The following GLUD1 variants were observed in gnomAD, a reference collection of about 807,000 sequenced individuals.
The protein encoded by GLUD1 is glutamate dehydrogenase 1.
In GLUD1, 22 loss-of-function variants were observed where a neutral mutation model predicts 56.0. The ratio of observed to expected loss-of-function variants is 0.39; its 90% CI spans 0.28 to 0.56. GLUD1 has a LOEUF of 0.56. Ranked by LOEUF, GLUD1 falls within the 20% of genes least tolerant of loss-of-function variation. The pLI is 0.58. For missense variants in GLUD1, 451 were observed against 732.0 expected (o/e 0.62, Z 4.43); for synonymous variants, 223 against 269.9 (o/e 0.83, Z 1.70).
At chr10:87,067,990 A>G in intron 5 of GLUD1, 73 bp downstream of exon 5, 4 of 866,276 alleles carry the variant, frequency 4.6e-6, no homozygotes, top group Admixed American at 1.8e-5. Context: ...TCAACTTTTG[A>G]TATAATCAGT....
Position 87,057,605 on chromosome 10 carries a change from G to A in GLUD1, c.1494+86C>T, listed in dbSNP as rs926403572. On this transcript the variant is annotated intron_variant, in intron 11 of 12. Coordinates refer to ENST00000277865, the MANE Select transcript of GLUD1 (RefSeq NM_005271.5). ...TCAAGCTAATTACAAAGACTATGCC[G>A]CAGATGAAATCCATCTAACCAGCTC... The A allele has an allele frequency of 3.5e-5, 28 of 798,218 alleles. No homozygotes were observed. In the Middle Eastern group the frequency reaches 1.3e-3, roughly 38 times the overall value. The allele number at this position is 798,218 out of a possible 1,614,324, so 49.4% of individuals were successfully genotyped here.
At chr10:87,062,535 C>T (rs1845963436) in intron 6 of GLUD1, 121 bp downstream of exon 6, 2 of 811,892 alleles carry the variant, frequency 2.5e-6, no homozygotes, top group Non-Finnish European at 4.1e-6. Flanking sequence ...CTGAAAACCA[C>T]CACTCTAAAA....
chr10:87,085,362 A>AAC (rs1466194417), intron 1 of GLUD1, among the ~76,000 whole-genome samples: 2 of 151,900 alleles, frequency 1.3e-5, no homozygotes, highest in African/African-American at 4.8e-5. Flanking sequence ...AAAAAAAAAA[A>AAC]AAACCAGAAA....
rs751493714 is a variant in GLUD1 at position 87,051,719 on chromosome 10, A to G, written c.*32T>C. ...ATAGGTCTGCAGAAGTTACATGTGA[A>G]GAGGATAGTGAGGAAGTCAGCCATG... On this transcript the variant is annotated 3_prime_UTR_variant, in exon 13 of 13. Coordinates refer to ENST00000277865, the MANE Select transcript of GLUD1 (RefSeq NM_005271.5). 1.2e-6 allele frequency: 2 copies of G among 1,610,356 alleles called. No individual in the cohort carries two copies.
chr10:87,074,414 T>C (rs61858864), intron 4 of GLUD1, 137 bp downstream of exon 4: 79,446 of 670,500 alleles, frequency 0.12, 5,057 homozygotes, highest in Admixed American at 0.16. Context: ...GACAAGAGAA[T>C]TGCTTGAACC....
At chr10:87,061,279 T>C (rs1269597097) in intron 6 of GLUD1, 5 of 646,868 alleles carry the variant, frequency 7.7e-6, no homozygotes, top group South Asian at 6.0e-5. Context: ...TCCAGCACTT[T>C]GGGAGGCTGA....
intron 10 of GLUD1, among the ~76,000 whole-genome samples, chr10:87,058,777 G>A (rs1251303998): frequency 6.6e-6 from 1 of 152,148 alleles, no homozygotes; most frequent in Non-Finnish European, 1.5e-5. Context: ...TGTAGCCCCA[G>A]CTACTTGGGA....
chr10:87,068,013 T>C (rs1201244383), intron 5 of GLUD1, 50 bp downstream of exon 5: 1 of 1,064,964 alleles, frequency 9.4e-7, no homozygotes. Context: ...AACTGTTAAT[T>C]CTTGTAGACA....
rs779728753 is a variant in GLUD1 at position 87,094,618 on chromosome 10, C to G, written c.152G>C (p.Arg51Pro). Residue 51 changes from arginine to proline, a missense_variant, in exon 1 of 13, where the codon CGC becomes CCC. Arg to Pro is a moderately radical substitution (Grantham distance 103). This residue lies in a region of GLUD1 where 158 missense variants were observed against 189.7 expected (regional missense o/e 0.83). Coordinates refer to ENST00000277865, the MANE Select transcript of GLUD1 (RefSeq NM_005271.5). This position sits in a 1 kb window ranked among gnomAD's most constrained non-coding sequence, Gnocchi z 6.6. ...PQPGLALAAR[R>P]HYSEAVADRE... ...GTCGGCCACCGCCTCGCTGTAGTGG[C>G]GCCGGGCGGCCAATGCCAGCCCCGG... is the stretch of plus-strand genomic sequence containing the variant. 3.7e-6 allele frequency: 6 copies of G among 1,609,984 alleles called. No homozygotes were observed. The highest frequency in any genetic ancestry group is 5.1e-6 in the Non-Finnish European group (6 of 1,179,416).
intron 2 of GLUD1, 130 bp downstream of exon 2, chr10:87,076,446 T>C (rs1846396911): frequency 1.4e-6 from 1 of 724,686 alleles, no homozygotes; most frequent in African/African-American, 1.8e-5. Flanking sequence ...ATGATGCAGG[T>C]CTTAAAGATT....
intron 4 of GLUD1, among the ~76,000 whole-genome samples, chr10:87,072,088 C>T (rs368615453): frequency 2.0e-5 from 3 of 152,118 alleles, no homozygotes; most frequent in East Asian, 3.9e-4. Context: ...GTCTGGGATA[C>T]GTGATGAGAC....
chr10:87,055,112 A>G (rs1845733392), intron 11 of GLUD1, among the ~76,000 whole-genome samples: 1 of 152,220 alleles, frequency 6.6e-6, no homozygotes, highest in African/African-American at 2.4e-5. Context: ...CTGAGCGCCT[A>G]CTTGAGGTTA....
chr10:87,082,904 C>T (rs1841295653), intron 1 of GLUD1, among the ~76,000 whole-genome samples: 1 of 152,190 alleles, frequency 6.6e-6, no homozygotes. Flanking sequence ...AATATACTGT[C>T]ACCTGAAAAT....
intron 4 of GLUD1, among the ~76,000 whole-genome samples, chr10:87,070,496 G>T (rs1309678926): frequency 6.6e-6 from 1 of 152,144 alleles, no homozygotes; most frequent in African/African-American, 2.4e-5. Context: ...CTACTCGGGA[G>T]GCTGAGGCAG....
intron 1 of GLUD1, among the ~76,000 whole-genome samples, chr10:87,078,311 T>C (rs760474802): frequency 9.2e-5 from 14 of 152,172 alleles, no homozygotes; most frequent in East Asian, 1.9e-4. Context: ...ACTCCCCCAT[T>C]TCATTCAGGT....
chr10:87,086,575 G>A (rs1190039606), intron 1 of GLUD1, among the ~76,000 whole-genome samples: 2 of 151,892 alleles, frequency 1.3e-5, no homozygotes, highest in African/African-American at 4.8e-5. Context: ...TGTAATCCCA[G>A]CACTTTGGGA....
chr10:87,062,030 C>T (rs932898898), intron 6 of GLUD1, among the ~76,000 whole-genome samples: 1 of 152,188 alleles, frequency 6.6e-6, no homozygotes, highest in Non-Finnish European at 1.5e-5. Context: ...GATCTGCCCA[C>T]CTTGGCCTCC....
intron 1 of GLUD1, among the ~76,000 whole-genome samples, chr10:87,083,288 G>A (rs1219245109): frequency 6.6e-6 from 1 of 151,980 alleles, no homozygotes; most frequent in African/African-American, 2.4e-5. Context: ...AATGGATTGG[G>A]AAAAATTAGC....
In GLUD1 at chr10:87,075,864, A is replaced by C. The variant is rs1206717031; in HGVS notation, c.582+104T>G. ...GGGAGGCGGAGGTTGCAGTGAGCCA[A>C]GATTGCGCCATTGTACTCCGGCCTG... On this transcript the variant is annotated intron_variant, in intron 3 of 12. Coordinates refer to ENST00000277865, the MANE Select transcript of GLUD1 (RefSeq NM_005271.5). 6.0e-6 allele frequency: 5 copies of C among 826,568 alleles called. No homozygotes were observed. In the African/African-American group the frequency reaches 8.4e-5, roughly 14 times the overall value. The allele number at this position is 826,568 out of a possible 1,614,324, so 51.2% of individuals were successfully genotyped here.
Sources: allele counts gnomAD v4.1 joint callset (sites outside exome capture counted in the v4.1 genomes callset), GRCh38; gene constraint gnomAD v4.1.1; regional missense constraint gnomAD v4.1.1; non-coding constraint Gnocchi (gnomAD v3.1); transcripts MANE v1.5; gene names NCBI Gene and HGNC (gene_info 2026-07-23, HGNC 2026-07-21).